The following HS6ST3 variants were observed in gnomAD, a reference collection of about 807,000 sequenced individuals.
HS6ST3 encodes the protein heparan-sulfate 6-O-sulfotransferase 3.
In HS6ST3, 12 loss-of-function variants were observed where a neutral mutation model predicts 36.7. The observed-to-expected ratio is 0.33, with a 90% confidence interval of 0.21 to 0.53. HS6ST3 has a LOEUF of 0.53. HS6ST3 is among the 20% of genes least tolerant of loss of function. The pLI is 0.95. For missense variants in HS6ST3, 584 were observed against 640.9 expected, an observed-to-expected ratio of 0.91 and a Z score of 0.96; for synonymous variants, 240 against 257.5, an observed-to-expected ratio of 0.93 and a Z score of 0.65.
intron 1 of HS6ST3, among the ~76,000 whole-genome samples, chr13:96,207,601 G>T (rs533710075): frequency 9.2e-5 from 14 of 152,168 alleles, no homozygotes; most frequent in African/African-American, 3.1e-4. Context: ...ATAATAGACT[G>T]GATAAAGAAA....
chr13:96,334,614 A>G (rs1190331439), intron 1 of HS6ST3, among the ~76,000 whole-genome samples: 13 of 152,204 alleles, frequency 8.5e-5, no homozygotes, highest in African/African-American at 3.1e-4. Context: ...GGAGCAATTC[A>G]TATCTTACAC....
chr13:96,251,134 C>A (rs1405419770), intron 1 of HS6ST3, among the ~76,000 whole-genome samples: 1 of 152,120 alleles, frequency 6.6e-6, no homozygotes, highest in Non-Finnish European at 1.5e-5. Flanking sequence ...TCTTCAATTT[C>A]TTTGGAAGCG....
intron 1 of HS6ST3, among the ~76,000 whole-genome samples, chr13:96,430,920 C>G (rs749362914): frequency 2.6e-4 from 39 of 152,092 alleles, no homozygotes; most frequent in Non-Finnish European, 4.1e-4. Flanking sequence ...CCTAAGAAAA[C>G]AACATTTAGC....
intron 1 of HS6ST3, among the ~76,000 whole-genome samples, chr13:96,429,759 C>G (rs2055605402): frequency 6.6e-6 from 1 of 152,126 alleles, no homozygotes; most frequent in Non-Finnish European, 1.5e-5. Flanking sequence ...AGCAGATAGT[C>G]TGTAGGTTCG....
At chr13:96,604,858 G>A (rs1229127887) in intron 1 of HS6ST3, among the ~76,000 whole-genome samples, 1 of 152,072 alleles carries the variant, frequency 6.6e-6, no homozygotes, top group East Asian at 1.9e-4. Context: ...ACCATTTAAG[G>A]TTCACGTGTC....
intron 1 of HS6ST3, among the ~76,000 whole-genome samples, chr13:96,186,304 A>G (rs1260249398): frequency 6.6e-6 from 1 of 152,200 alleles, no homozygotes; most frequent in East Asian, 1.9e-4. Flanking sequence ...AGCCTGAGAA[A>G]GGTGGAGCTC....
chr13:96,174,080 A>C (rs75906028), intron 1 of HS6ST3, among the ~76,000 whole-genome samples: 1 of 152,142 alleles, frequency 6.6e-6, no homozygotes, highest in Non-Finnish European at 1.5e-5. Flanking sequence ...GAAACAGGTT[A>C]TAAGTGAAAG....
At chr13:96,568,240 G>C (rs1420047731) in intron 1 of HS6ST3, among the ~76,000 whole-genome samples, 1 of 152,158 alleles carries the variant, frequency 6.6e-6, no homozygotes, top group Non-Finnish European at 1.5e-5. Context: ...TCATACTTCA[G>C]TGTATTCAGC....
At chr13:96,676,377 G>A (rs1170007085) in intron 1 of HS6ST3, among the ~76,000 whole-genome samples, 1 of 152,108 alleles carries the variant, frequency 6.6e-6, no homozygotes, top group Admixed American at 6.5e-5. Context: ...ACCCCTAAGA[G>A]ACTCTATATG....
At position 96,564,771 on chromosome 13, in the gene HS6ST3, A is replaced by G. The variant is rs182256683; in HGVS notation, c.708-267719A>G. On this transcript the variant is annotated intron_variant, in intron 1 of 1. Transcript: ENST00000376705. The stretch of plus-strand genomic sequence containing the variant: ...AATAAATACACAATTGACCACTGGA[A>G]TAGTCCTCAAATAGAGGAATACTGG... Among the ~76,000 whole-genome samples, 7 of 152,318 alleles carry G rather than the reference A, an allele frequency of 4.6e-5. No individual in the cohort carries two copies. In the East Asian group the frequency reaches 1.2e-3, roughly 25 times the overall value.
At position 96,252,598 on chromosome 13, in the gene HS6ST3, C is replaced by T. The variant is rs556205478; in HGVS notation, c.707+161029C>T. Among the ~76,000 whole-genome samples the T allele has an allele frequency of 6.6e-5, 10 of 152,284 alleles. No homozygotes were observed. In the South Asian group the frequency reaches 2.1e-3, roughly 32 times the overall value. On this transcript the variant is annotated intron_variant, in intron 1 of 1. Transcript: ENST00000376705. ...ATCCATCAAAGTTGAGCCAGTTGCT[C>T]AGATACGCACTTTTGTTGAGATCCG...
At chr13:96,727,054 A>T in intron 1 of HS6ST3, among the ~76,000 whole-genome samples, 1 of 152,294 alleles carries the variant, frequency 6.6e-6, no homozygotes, top group Non-Finnish European at 1.5e-5. Context: ...TTCTTTGATT[A>T]AAGTCTATCT....
chr13:96,823,764 C>T (rs937476894), intron 1 of HS6ST3, among the ~76,000 whole-genome samples: 2 of 151,986 alleles, frequency 1.3e-5, no homozygotes, highest in African/African-American at 2.4e-5. Context: ...GGATTACAGT[C>T]GCATGCCACC....
chr13:96,729,910 C>T (rs1876103676), intron 1 of HS6ST3, among the ~76,000 whole-genome samples: 1 of 152,168 alleles, frequency 6.6e-6, no homozygotes, highest in Non-Finnish European at 1.5e-5. Context: ...ATGTATGTAA[C>T]ACTTTGCTCT....
chr13:96,375,049 G>A (rs2055308226), intron 1 of HS6ST3, among the ~76,000 whole-genome samples: 1 of 151,974 alleles, frequency 6.6e-6, no homozygotes, highest in African/African-American at 2.4e-5. Flanking sequence ...CTGTGCTGTA[G>A]CCATCTTGCT....
rs1238340241 is a variant in HS6ST3, at chr13:96,835,001, T to G, written c.*1803T>G. The stretch of plus-strand genomic sequence containing the variant: ...ATATATTCTGCACAACAAATGGGTA[T>G]TGTTAGTCTCCATTTCATAGATGAA... On this transcript the variant is annotated 3_prime_UTR_variant, in exon 2 of 2. Coordinates refer to ENST00000376705, the MANE Select transcript of HS6ST3 (RefSeq NM_153456.4). 6.6e-6 allele frequency: 1 copy of G among 152,224 alleles called. No individual in the cohort carries two copies. The highest frequency in any genetic ancestry group is 2.4e-5 in the African/African-American group (1 of 41,438). 9.4% of individuals were successfully genotyped at this position (152,224 alleles called of 1,614,324 possible).
chr13:96,804,618 AT>A (rs879622817), intron 1 of HS6ST3, among the ~76,000 whole-genome samples: 61 of 147,654 alleles, frequency 4.1e-4, no homozygotes, highest in Middle Eastern at 3.4e-3. Context: ...GCAAAGAATC[AT>A]TTTTTTTTTT....
intron 1 of HS6ST3, among the ~76,000 whole-genome samples, chr13:96,772,954 C>T (rs937122907): frequency 6.6e-6 from 1 of 152,106 alleles, no homozygotes; most frequent in Admixed American, 6.5e-5. Context: ...TCTGCATTTC[C>T]CACTGAGGTA....
chr13:96,362,110 G>A (rs2055241721), intron 1 of HS6ST3, among the ~76,000 whole-genome samples: 2 of 152,160 alleles, frequency 1.3e-5, no homozygotes, highest in South Asian at 4.1e-4. Flanking sequence ...AAGAGTAATA[G>A]CAGAGGGAGG....
Sources: gnomAD v4.1 joint callset for allele counts (sites outside exome capture counted in the v4.1 genomes callset) on GRCh38, gnomAD v4.1.1 for gene constraint, MANE v1.5 for transcripts, NCBI Gene and HGNC (gene_info 2026-07-23, HGNC 2026-07-21) for gene names.